UBE2D2: variants seen among roughly 807,000 people sequenced by gnomAD.
UBE2D2 encodes the protein ubiquitin conjugating enzyme E2 D2, also known as ubiquitin-conjugating enzyme E2 D2.
In UBE2D2, 2 loss-of-function variants were observed where a neutral mutation model predicts 24.2. The ratio of observed to expected loss-of-function variants is 0.08; its 90% CI spans 0.03 to 0.26. The LOEUF (loss-of-function observed/expected upper bound fraction) is 0.26. UBE2D2 is among the 10% of genes least tolerant of loss of function. UBE2D2 has a pLI of 1.00. For synonymous variants in UBE2D2, 58 were observed against 56.5 expected (o/e 1.03, Z -0.12); for missense variants, 44 against 177.6 (o/e 0.25, Z 4.28).
chr5:139,604,465 A>T (rs184422639), intron 2 of UBE2D2, among the ~76,000 whole-genome samples: 35 of 152,288 alleles, frequency 2.3e-4, no homozygotes, highest in Admixed American at 2.0e-3. Context: ...ACTCAGTATA[A>T]AAATAAATAA....
At chr5:139,575,737 T>C (rs1753456034) in intron 1 of UBE2D2, among the ~76,000 whole-genome samples, 1 of 152,224 alleles carries the variant, frequency 6.6e-6, no homozygotes, top group Admixed American at 6.5e-5. Flanking sequence ...GGAAAAACTT[T>C]GAAATTAGCT....
chr5:139,530,209 C>A (rs1286388315), intron 1 of UBE2D2, among the ~76,000 whole-genome samples: 3 of 152,172 alleles, frequency 2.0e-5, no homozygotes, highest in Non-Finnish European at 4.4e-5. Context: ...TTTGGGCCCA[C>A]CCAGAATTCC....
At position 139,571,745 on chromosome 5, in the gene UBE2D2, C is replaced by T. The variant is rs111441467; in HGVS notation, c.24+9930C>T. Among the ~76,000 whole-genome samples, 55 of 151,646 alleles carry T rather than the reference C, an allele frequency of 3.6e-4. 2 individuals are homozygous for T. In the Middle Eastern group the frequency reaches 0.01, roughly 28 times the overall value. On this transcript the variant is annotated intron_variant, in intron 1 of 6. Transcript: ENST00000398733. The stretch of plus-strand genomic sequence containing the variant: ...TCCATCCTTTTCTCTCTCTCTCTTT[C>T]CCTCTTTCCTTCCTTCTCTCCCTCC...
intron 1 of UBE2D2, among the ~76,000 whole-genome samples, chr5:139,598,629 C>T (rs995868901): frequency 1.2e-4 from 16 of 133,028 alleles, no homozygotes; most frequent in African/African-American, 3.5e-4. Context: ...GGCATGATCT[C>T]GGCTCACTGC....
At chr5:139,553,553 C>T (rs1752946294) in intron 1 of UBE2D2, among the ~76,000 whole-genome samples, 1 of 152,094 alleles carries the variant, frequency 6.6e-6, no homozygotes, top group Non-Finnish European at 1.5e-5. Context: ...GATCAAACTC[C>T]AGGAACATGC....
chr5:139,550,082 A>C (rs761937310), intron 1 of UBE2D2, among the ~76,000 whole-genome samples: 3 of 131,194 alleles, frequency 2.3e-5, no homozygotes, highest in Non-Finnish European at 5.0e-5. Flanking sequence ...TCTGTGTCTA[A>C]TCTAGTGGGG....
chr5:139,621,658 T>C (rs1754516222), intron 5 of UBE2D2, among the ~76,000 whole-genome samples: 1 of 152,218 alleles, frequency 6.6e-6, no homozygotes, highest in Admixed American at 6.5e-5. Context: ...GGTCTCACTC[T>C]GTCACCCAGA....
chr5:139,530,083 G>A (rs962327748), intron 1 of UBE2D2, among the ~76,000 whole-genome samples: 1 of 152,190 alleles, frequency 6.6e-6, no homozygotes, highest in Non-Finnish European at 1.5e-5. Flanking sequence ...ATCCTGTAAG[G>A]TGGCTTAGTT....
intron 1 of UBE2D2, among the ~76,000 whole-genome samples, chr5:139,550,344 C>T (rs1752893980): frequency 6.6e-6 from 1 of 152,180 alleles, no homozygotes; most frequent in African/African-American, 2.4e-5. Context: ...CAGCAATCAA[C>T]ACTCTGCGTC....
intron 1 of UBE2D2, among the ~76,000 whole-genome samples, chr5:139,550,779 C>A (rs1226505922): frequency 6.6e-6 from 1 of 151,670 alleles, no homozygotes; most frequent in African/African-American, 2.4e-5. Flanking sequence ...TCTGCAGCTT[C>A]ACTCCTGAAG....
At chr5:139,621,089 A>C (rs1475878273) in intron 5 of UBE2D2, among the ~76,000 whole-genome samples, 1 of 152,206 alleles carries the variant, frequency 6.6e-6, no homozygotes, top group Non-Finnish European at 1.5e-5. Flanking sequence ...TACAAAAAAT[A>C]CAAAGAAAAT....
intron 1 of UBE2D2, among the ~76,000 whole-genome samples, chr5:139,570,286 A>G (rs939254843): frequency 6.6e-6 from 1 of 151,996 alleles, no homozygotes; most frequent in East Asian, 1.9e-4. Context: ...AACAACAACA[A>G]CAACAAAACA....
intron 1 of UBE2D2, among the ~76,000 whole-genome samples, chr5:139,533,132 C>T (rs1296288541): frequency 6.6e-6 from 1 of 151,498 alleles, no homozygotes; most frequent in Admixed American, 6.6e-5. Flanking sequence ...ATATATGGAC[C>T]TCAACTCCTC....
At chr5:139,550,798 A>G (rs1472091656) in intron 1 of UBE2D2, among the ~76,000 whole-genome samples, 1 of 152,094 alleles carries the variant, frequency 6.6e-6, no homozygotes, top group African/African-American at 2.4e-5. Context: ...AGCCAGTGAG[A>G]CCACAAATCC....
intron 1 of UBE2D2, among the ~76,000 whole-genome samples, chr5:139,565,202 GAATTC>G (rs1467725986): frequency 6.6e-6 from 1 of 152,144 alleles, no homozygotes; most frequent in Non-Finnish European, 1.5e-5. Context: ...ACATCTTCAG[GAATTC>G]AATATCTTGT....
intron 6 of UBE2D2, 131 bp downstream of exon 6, chr5:139,623,592 G>C (rs897567802): frequency 5.2e-6 from 3 of 573,778 alleles, no homozygotes; most frequent in Admixed American, 6.4e-5. Flanking sequence ...CCTGGGGCTA[G>C]AAAAGAGAAA....
intron 1 of UBE2D2, among the ~76,000 whole-genome samples, chr5:139,539,201 T>G (rs978159076): frequency 1.7e-4 from 26 of 151,870 alleles, no homozygotes; most frequent in Non-Finnish European, 3.4e-4. Flanking sequence ...ATTTTTGTAT[T>G]TTTAGTAGAG....
intron 1 of UBE2D2, among the ~76,000 whole-genome samples, chr5:139,574,193 AT>A (rs1437807708): frequency 6.9e-6 from 1 of 144,934 alleles, no homozygotes; most frequent in Non-Finnish European, 1.5e-5. Context: ...AGTCAGGAGA[AT>A]TGCTTGAACC....
rs932185854 is a variant in UBE2D2 at position 139,609,526 on chromosome 5, C to G, written c.89-5060C>G. The stretch of plus-strand genomic sequence containing the variant: ...GCTGGGATTACAGGCAATGCGCCAC[C>G]ATGCTTGGCTAATTTTGTATTTTTA... On this transcript the variant is annotated intron_variant, in intron 2 of 6. Coordinates refer to ENST00000398733, the MANE Select transcript of UBE2D2 (RefSeq NM_003339.3). Among the ~76,000 whole-genome samples, 9 of 150,714 alleles carry G rather than the reference C, an allele frequency of 6.0e-5. No homozygotes were observed. The South Asian group carries it at 6.3e-4, about 11-fold the overall frequency.
Sources: gnomAD v4.1 joint callset for allele counts (sites outside exome capture counted in the v4.1 genomes callset) on GRCh38, gnomAD v4.1.1 for gene constraint, MANE v1.5 for transcripts, NCBI Gene and HGNC (gene_info 2026-07-23, HGNC 2026-07-21) for gene names.